NBEAL1: variants seen among roughly 807,000 people sequenced by gnomAD.
NBEAL1 encodes the protein neurobeachin-like protein 1.
In NBEAL1, 273 loss-of-function variants were observed where a neutral mutation model predicts 351.3. The observed-to-expected ratio is 0.78, with a 90% CI of 0.70 to 0.86. NBEAL1 has a LOEUF of 0.86. Ranked by LOEUF, NBEAL1 falls within the 40% of genes least tolerant of loss-of-function variation. The pLI is 0.00. For missense variants in NBEAL1, 2,961 were observed against 3,201.3 expected, an observed-to-expected ratio of 0.92 and a Z score of 1.81; for synonymous variants, 1,050 against 1,086.4, an observed-to-expected ratio of 0.97 and a Z score of 0.66.
Position 203,217,413 on chromosome 2 carries a change from A to T in NBEAL1, c.*59A>T. On this transcript the variant is annotated 3_prime_UTR_variant, in exon 56 of 56. Transcript: ENST00000683969. Reference sequence around the variant, plus strand: ...ACCTGATTTATTGCTTTGTCACTTTAACCACATCTCTCAACTCTCTGCAAT... The same window carrying T: ...ACCTGATTTATTGCTTTGTCACTTTTACCACATCTCTCAACTCTCTGCAAT... 1 of 1,464,398 alleles carries T rather than the reference A, an allele frequency of 6.8e-7. No individual in the cohort carries two copies. Among genetic ancestry groups the T allele is most frequent in the Non-Finnish European group, 9.1e-7 (1 of 1,101,662 alleles). 90.7% of individuals were successfully genotyped at this position (1,464,398 alleles called of 1,614,324 possible). A position where few individuals can be genotyped will look rare whatever the true frequency, so the allele number is the denominator to read the frequency against.
chr2:203,185,359 C>T (rs2064863763), intron 44 of NBEAL1, among the ~76,000 whole-genome samples: 1 of 151,886 alleles, frequency 6.6e-6, no homozygotes, highest in Non-Finnish European at 1.5e-5. Flanking sequence ...CAAACTGTTC[C>T]AAAATTCAGT....
At chr2:203,018,551 T>G (rs1322031452) in intron 2 of NBEAL1, among the ~76,000 whole-genome samples, 1 of 152,154 alleles carries the variant, frequency 6.6e-6, no homozygotes, top group East Asian at 1.9e-4. Context: ...TTTTGTTTGT[T>G]TTTACCTCTG....
At position 203,167,351 on chromosome 2, in the gene NBEAL1, C is replaced by A; in HGVS notation, c.5988C>A (p.Phe1996Leu). Reference sequence around the variant, plus strand: ...ACCAATCCAACTACTTTCTCAATTTCAAAAAAGAGGTATGTATTATGGTTT... The same window carrying A: ...ACCAATCCAACTACTTTCTCAATTTAAAAAAAGAGGTATGTATTATGGTTT... Reference protein sequence around the residue: ...HVDQSNYFLNFKKEVRNKIYS... With the variant: ...HVDQSNYFLNLKKEVRNKIYS... Residue 1996 changes from phenylalanine to leucine, a missense_variant, in exon 38 of 56, where the codon TTC (phenylalanine) becomes TTA (leucine). Transcript: ENST00000683969. 1 of 1,600,358 alleles carries A rather than the reference C, an allele frequency of 6.2e-7. No homozygotes were observed. Among genetic ancestry groups the A allele is most frequent in the Non-Finnish European group, 8.5e-7 (1 of 1,175,378 alleles).
intron 8 of NBEAL1, among the ~76,000 whole-genome samples, chr2:203,081,810 G>C (rs2061878600): frequency 6.6e-6 from 1 of 152,190 alleles, no homozygotes; most frequent in South Asian, 2.1e-4. Flanking sequence ...ATCTTTTAAA[G>C]ACATACTGAG....
At position 203,157,696 on chromosome 2, in the gene NBEAL1, C is replaced by G. The variant is rs1312126868; in HGVS notation, c.5588-3C>G. The G allele has an allele frequency of 6.4e-7, 1 of 1,565,058 alleles. No homozygotes were observed. The highest frequency in any genetic ancestry group is 1.4e-5 in the African/African-American group (1 of 72,274). On this transcript the variant is annotated splice_polypyrimidine_tract_variant and splice_region_variant and intron_variant, in intron 35 of 55. Coordinates refer to ENST00000683969, the MANE Select transcript of NBEAL1 (RefSeq NM_001378026.1). ...TTTAATAGATATTTTGTGTTTAAAA[C>G]AGGTATCCAACACTCACAGCCTTCC...
intron 42 of NBEAL1, among the ~76,000 whole-genome samples, chr2:203,178,082 A>G (rs781475761): frequency 2.9e-4 from 44 of 151,722 alleles, no homozygotes; most frequent in Non-Finnish European, 5.4e-4. Flanking sequence ...CCACTTCTAG[A>G]TACATACCTA....
chr2:203,017,213 G>A (rs1217538488), intron 2 of NBEAL1, among the ~76,000 whole-genome samples: 1 of 152,172 alleles, frequency 6.6e-6, no homozygotes, highest in Non-Finnish European at 1.5e-5. Context: ...TGAAGATACT[G>A]GCAAGGGTCA....
intron 14 of NBEAL1, among the ~76,000 whole-genome samples, chr2:203,109,811 C>T (rs903346073): frequency 9.2e-5 from 14 of 152,194 alleles, no homozygotes; most frequent in South Asian, 2.1e-4. Flanking sequence ...TGAGCCACCG[C>T]GCCTGGCCTA....
chr2:203,018,022 C>G lies in NBEAL1; in HGVS notation c.51+1587C>G, dbSNP rs144625500. Among the ~76,000 whole-genome samples the G allele has an allele frequency of 3.4e-3, 521 of 151,718 alleles. 5 individuals are homozygous for G. The highest frequency in any genetic ancestry group is 0.012 in the African/African-American group (488 of 41,418). ...TTTTCAAAGAATATTTATTTAAAACCGTGATTTTATATTTTACCAGTTAAC... is the reference window on the plus strand; with the variant it reads ...TTTTCAAAGAATATTTATTTAAAACGGTGATTTTATATTTTACCAGTTAAC... On this transcript the variant is annotated intron_variant, in intron 2 of 55. Transcript: ENST00000683969.
rs532512089 is a variant in NBEAL1 at position 203,036,751 on chromosome 2, C to T, written c.52-5014C>T. On this transcript the variant is annotated intron_variant, in intron 2 of 55. Transcript: ENST00000683969. Reference sequence around the variant, plus strand: ...AGTTGCTCAATTTTGTAGGTGAACTCTGTGCTTGCCAAACACTTGGTAGCC... The same window carrying T: ...AGTTGCTCAATTTTGTAGGTGAACTTTGTGCTTGCCAAACACTTGGTAGCC... Among the ~76,000 whole-genome samples the T allele has an allele frequency of 2.0e-5, 3 of 149,114 alleles. No homozygotes were observed. In the South Asian group the frequency reaches 6.3e-4, roughly 31 times the overall value.
At chr2:203,171,840 C>A in intron 39 of NBEAL1, 88 bp from the exon 40 acceptor site, 1 of 519,500 alleles carries the variant, frequency 1.9e-6, no homozygotes, top group Non-Finnish European at 3.3e-6. Flanking sequence ...TTTTTTTAGC[C>A]CATTCTTGGT....
intron 6 of NBEAL1, chr2:203,061,911 A>G (rs2061505988): frequency 4.9e-6 from 1 of 202,248 alleles, no homozygotes; most frequent in Non-Finnish European, 1.0e-5. Context: ...AAAATCCATT[A>G]TCACTGTGCA....
At chr2:203,160,446 A>G (rs1262866207) in intron 36 of NBEAL1, among the ~76,000 whole-genome samples, 2 of 152,030 alleles carry the variant, frequency 1.3e-5, no homozygotes. Flanking sequence ...GATGAGCTTC[A>G]TTGCTGTAAT....
chr2:203,210,095 G>T (rs572324504), intron 53 of NBEAL1, among the ~76,000 whole-genome samples: 114 of 152,206 alleles, frequency 7.5e-4, no homozygotes, highest in Middle Eastern at 3.4e-3. Flanking sequence ...GCGAGTGGTG[G>T]CTCACTCCTG....
At position 203,219,119 on chromosome 2, in the gene NBEAL1, C is replaced by T. The variant is rs1349721389; in HGVS notation, c.*1765C>T. ...GGAGGTTTCAATCCAGTGCTTCACCCGTGGTGCCACCGTGGCTATCTTTTT... is the reference window on the plus strand; with the variant it reads ...GGAGGTTTCAATCCAGTGCTTCACCTGTGGTGCCACCGTGGCTATCTTTTT... On this transcript the variant is annotated 3_prime_UTR_variant, in exon 56 of 56. Transcript: ENST00000683969. 3 of 151,774 alleles carry T rather than the reference C, an allele frequency of 2.0e-5. No homozygotes were observed. The highest frequency in any genetic ancestry group is 2.1e-4 in the South Asian group (1 of 4,798). The allele number at this position is 151,774 out of a possible 1,614,324, so 9.4% of individuals were successfully genotyped here.
intron 44 of NBEAL1, among the ~76,000 whole-genome samples, chr2:203,186,415 A>G (rs1177885718): frequency 6.6e-6 from 1 of 152,218 alleles, no homozygotes; most frequent in Non-Finnish European, 1.5e-5. Flanking sequence ...AGACACTCCC[A>G]TTCAAAAGGA....
rs150565533 is a variant in NBEAL1, at chr2:203,124,641, A to C, written c.2683-711A>C. On this transcript the variant is annotated intron_variant, in intron 19 of 55. Coordinates refer to ENST00000683969, the MANE Select transcript of NBEAL1 (RefSeq NM_001378026.1). ...CAAAGAATGTGAAGAGGTTGTTTGA[A>C]GACTTAAGTTATGTCCACGTGGCAA... Among the ~76,000 whole-genome samples, 493 of 152,294 alleles carry C rather than the reference A, an allele frequency of 3.2e-3. 3 individuals carry two copies. Among genetic ancestry groups the C allele is most frequent in the African/African-American group, 0.011 (463 of 41,572 alleles).
rs201436178 is a variant in NBEAL1 at position 203,172,833 on chromosome 2, C to A, written c.6303C>A (p.Asn2101Lys). 6.2e-7 allele frequency: 1 copy of A among 1,607,656 alleles called. No individual in the cohort carries two copies. The highest frequency in any genetic ancestry group is 1.3e-5 in the African/African-American group (1 of 74,834). The change falls in exon 41 of 56, where the codon AAC (asparagine) becomes AAA (lysine). Residue 2101 changes from asparagine (N) to lysine (K), a missense_variant. Transcript: ENST00000683969. ...SKPIGVVNEKNAKAMREKYEN... is the reference protein window; with the variant it reads ...SKPIGVVNEKKAKAMREKYEN... ...CAATTGGGGTAGTTAATGAAAAAAA[C>A]GCCAAAGCTATGAGAGAAAAGTAAG...
At chr2:203,216,434 C>T (rs542694881) in intron 55 of NBEAL1, among the ~76,000 whole-genome samples, 1 of 152,118 alleles carries the variant, frequency 6.6e-6, no homozygotes, top group East Asian at 1.9e-4. Flanking sequence ...ACCTGTATGT[C>T]TTGTTAGCAA....
Sources: allele counts gnomAD v4.1 joint callset (sites outside exome capture counted in the v4.1 genomes callset), GRCh38; gene constraint gnomAD v4.1.1; transcripts MANE v1.5; gene names NCBI Gene and HGNC (gene_info 2026-07-23, HGNC 2026-07-21).